BIN1: variants seen among roughly 807,000 people sequenced by gnomAD.
BIN1 encodes bridging integrator 1.
In BIN1, 53 loss-of-function variants were observed where a neutral mutation model predicts 82.0. The ratio of observed to expected loss-of-function variants is 0.65; its 90% CI spans 0.52 to 0.81. The LOEUF is 0.81. BIN1 is among the 40% of genes least tolerant of loss of function. BIN1 has a pLI of 0.00. For missense variants in BIN1, 642 were observed against 784.4 expected, an observed-to-expected ratio of 0.82 and a Z score of 2.17; for synonymous variants, 302 against 328.0, an observed-to-expected ratio of 0.92 and a Z score of 0.86.
chr2:127,084,079 T>G (rs1343652684), intron 1 of BIN1, among the ~76,000 whole-genome samples: 1 of 152,236 alleles, frequency 6.6e-6, no homozygotes, highest in Non-Finnish European at 1.5e-5. Context: ...CTATCCATCA[T>G]TCTTTGCTAT....
At chr2:127,051,373 G>T in intron 15 of BIN1, 130 bp from the exon 16 acceptor site, 1 of 899,244 alleles carries the variant, frequency 1.1e-6, no homozygotes, top group Non-Finnish European at 1.8e-6. Context: ...GCAGGGTCTA[G>T]AGCTGCCCAG....
Position 127,057,268 on chromosome 2 carries a change from A to G in BIN1, c.1131+205T>C, listed in dbSNP as rs1683813405. Among the ~76,000 whole-genome samples the G allele has an allele frequency of 6.6e-6, 1 of 152,232 alleles. No individual in the cohort carries two copies. The highest frequency in any genetic ancestry group is 1.5e-5 in the Non-Finnish European group (1 of 68,034). Reference sequence around the variant, plus strand: ...GGCACCTTCCCCTCTGTGGCCCTGCATCTGGCCTTAGTACATGCTCAGAGA... The same window carrying G: ...GGCACCTTCCCCTCTGTGGCCCTGCGTCTGGCCTTAGTACATGCTCAGAGA... On this transcript the variant is annotated intron_variant, in intron 12 of 18. Transcript: ENST00000316724. The surrounding 1 kb of genome is among the most constrained non-coding windows in gnomAD (Gnocchi z 5.0).
At position 127,107,116 on chromosome 2, in the gene BIN1, G is replaced by GAGCC. The variant is rs886054838; in HGVS notation, c.-177_-174dup. The GAGCC allele has an allele frequency of 1.7e-5, 11 of 636,826 alleles. No individual in the cohort carries two copies. Among genetic ancestry groups the GAGCC allele is most frequent in the South Asian group, 1.7e-4 (4 of 23,358 alleles). The allele number at this position is 636,826 out of a possible 1,614,324, so 39.4% of individuals were successfully genotyped here. A position where few individuals can be genotyped will look rare whatever the true frequency, so the allele number is the denominator to read the frequency against. On this transcript the variant is annotated 5_prime_UTR_variant, in exon 1 of 19. Coordinates refer to ENST00000316724, the MANE Select transcript of BIN1 (RefSeq NM_139343.3). This position sits in a 1 kb window ranked among gnomAD's most constrained non-coding sequence, Gnocchi z 5.9. ...CGGAGCGTGCGCCGGACGGGCGAGC[G>GAGCC]AGCCAGCGAGCTAGCCAGCGAGCGA...
chr2:127,064,188 C>A (rs1352543513), intron 7 of BIN1, among the ~76,000 whole-genome samples, 170 bp from the exon 8 acceptor site: 2 of 152,248 alleles, frequency 1.3e-5, no homozygotes, highest in East Asian at 3.8e-4. Context: ...CGACCTCCCC[C>A]TGCAGCCCTC....
chr2:127,069,915 G>A (rs1474628839), intron 5 of BIN1, 80 bp downstream of exon 5: 20 of 1,462,078 alleles, frequency 1.4e-5, no homozygotes, highest in Non-Finnish European at 1.8e-5. Flanking sequence ...CTCCTGGCCT[G>A]AGCCGCACGT....
Position 127,057,542 on chromosome 2 carries a change from C to A in BIN1, c.1062G>T (p.Lys354Asn). 3 of 1,545,280 alleles carry A rather than the reference C, an allele frequency of 1.9e-6. No individual in the cohort carries two copies. ...CAAACAGGCTGAGGATCTGCTCCTG[C>A]TTGACTTCCTTGGACGGGGTGTGTT... ...PPKHTPSKEV[K>N]QEQILSLFED... The change falls in exon 12 of 19, where the codon AAG becomes AAT. Residue 354 changes from lysine (K) to asparagine (N), a missense_variant. Transcript: ENST00000316724. This position sits in a 1 kb window ranked among gnomAD's most constrained non-coding sequence, Gnocchi z 5.0.
rs368370162 is a variant in BIN1, at chr2:127,048,499, C to G, written c.*27G>C. 1 of 1,604,722 alleles carries G rather than the reference C, an allele frequency of 6.2e-7. No homozygotes were observed. The highest frequency in any genetic ancestry group is 8.5e-7 in the Non-Finnish European group (1 of 1,171,938). On this transcript the variant is annotated 3_prime_UTR_variant, in exon 19 of 19. Transcript: ENST00000316724. ...TTTTCGGGAGGAGGTGTTCTTCACA[C>G]GCCCGGAGGCTGCCTGGGCCCCGCC...
chr2:127,054,046 A>C (rs962470840), intron 12 of BIN1, 34 bp from the exon 13 acceptor site: 2 of 1,539,430 alleles, frequency 1.3e-6, no homozygotes, highest in Non-Finnish European at 1.8e-6. Flanking sequence ...AGGAGGAAGC[A>C]GTTAGTGTTA....
chr2:127,075,459 G>A (rs1161941292), intron 2 of BIN1, among the ~76,000 whole-genome samples: 1 of 152,180 alleles, frequency 6.6e-6, no homozygotes, highest in Non-Finnish European at 1.5e-5. Flanking sequence ...GCTCTGGGAA[G>A]GAATTGCCCA....
intron 2 of BIN1, among the ~76,000 whole-genome samples, chr2:127,071,649 G>A (rs1199255584): frequency 2.6e-5 from 4 of 152,316 alleles, no homozygotes; most frequent in African/African-American, 7.2e-5. Flanking sequence ...CAATAGGTGA[G>A]GCCAGCACTG....
At chr2:127,075,718 C>T (rs1381753171) in intron 2 of BIN1, among the ~76,000 whole-genome samples, 13 of 148,490 alleles carry the variant, frequency 8.8e-5, no homozygotes, top group African/African-American at 3.0e-4. Context: ...AGAATGCTCC[C>T]CGGCCCTCTC....
intron 8 of BIN1, 129 bp from the exon 9 acceptor site, chr2:127,063,775 G>A (rs1684804208): frequency 1.4e-6 from 2 of 1,391,494 alleles, no homozygotes; most frequent in African/African-American, 1.4e-5. Flanking sequence ...AGGCACCGCA[G>A]CACTCAGGCT....
At chr2:127,081,888 G>A in intron 1 of BIN1, 1 of 1,282,502 alleles carries the variant, frequency 7.8e-7, no homozygotes, top group South Asian at 1.2e-5. Context: ...TGAGAAGTGA[G>A]CCCTGTCTCG....
chr2:127,103,330 G>T (rs762180156), intron 1 of BIN1, among the ~76,000 whole-genome samples: 1 of 152,154 alleles, frequency 6.6e-6, no homozygotes, highest in East Asian at 1.9e-4. Context: ...CCACGCAGCT[G>T]AGCATAGTGC....
At position 127,081,956 on chromosome 2, in the gene BIN1, C is replaced by T. The variant is rs539683677; in HGVS notation, c.85-5250G>A. The stretch of plus-strand genomic sequence containing the variant: ...GCCACGGAGGCAGGATGCACACCCT[C>T]GTGCCCCGGCGTTCTCACACCGAGG... On this transcript the variant is annotated intron_variant, in intron 1 of 18. Transcript: ENST00000316724. 599 of 1,180,670 alleles carry T rather than the reference C, an allele frequency of 5.1e-4. 4 individuals are homozygous for T. The South Asian group carries it at 8.0e-3, about 16-fold the overall frequency. 73.1% of individuals were successfully genotyped at this position (1,180,670 alleles called of 1,614,324 possible).
At chr2:127,106,638 G>A (rs1488653892) in intron 1 of BIN1, among the ~76,000 whole-genome samples, 2 of 152,196 alleles carry the variant, frequency 1.3e-5, no homozygotes, top group African/African-American at 4.8e-5. Flanking sequence ...GTCCTGCCCC[G>A]GCCGGGTGTG....
intron 10 of BIN1, 26 bp downstream of exon 10, chr2:127,062,089 G>T (rs1009987459): frequency 8.2e-6 from 13 of 1,582,062 alleles, no homozygotes; most frequent in Non-Finnish European, 1.0e-5. Context: ...CACAGTCAGG[G>T]GCGCCAGGGC....
chr2:127,075,806 C>T (rs1405119347), intron 2 of BIN1, among the ~76,000 whole-genome samples: 2 of 126,156 alleles, frequency 1.6e-5, no homozygotes, highest in Non-Finnish European at 3.4e-5. Flanking sequence ...GCTGCCCCCC[C>T]CACCGCCCTC....
intron 1 of BIN1, among the ~76,000 whole-genome samples, chr2:127,088,385 G>A (rs1364869361): frequency 1.3e-5 from 2 of 152,160 alleles, no homozygotes; most frequent in Non-Finnish European, 1.5e-5. Context: ...TGCCCTGGAG[G>A]AGCCAGCACT....
Sources: gnomAD v4.1 joint callset for allele counts (sites outside exome capture counted in the v4.1 genomes callset) on GRCh38, gnomAD v4.1.1 for gene constraint, Gnocchi (gnomAD v3.1) non-coding constraint, MANE v1.5 for transcripts, NCBI Gene and HGNC (gene_info 2026-07-23, HGNC 2026-07-21) for gene names.